Variants in PCDHA4 observed in about 807,000 individuals in gnomAD.
The protein encoded by PCDHA4 is protocadherin alpha-4.
PCDHA4 carries 49 observed loss-of-function variants against 61.4 expected under a neutral mutation model. The observed-to-expected ratio is 0.80, with a 90% confidence interval of 0.63 to 1.01. The LOEUF is 1.01. Among genes scored for constraint, PCDHA4 ranks in the 50% least tolerant of loss-of-function variants. The pLI is 0.00. For missense variants in PCDHA4, 1,254 were observed against 1,235.8 expected, an observed-to-expected ratio of 1.01 and a Z score of -0.22; for synonymous variants, 590 against 550.3, an observed-to-expected ratio of 1.07 and a Z score of -1.01.
At chr5:140,988,556 C>G (rs574182013) in intron 3 of PCDHA4, among the ~76,000 whole-genome samples, 2 of 152,158 alleles carry the variant, frequency 1.3e-5, no homozygotes, top group Non-Finnish European at 2.9e-5. Flanking sequence ...TCTTCATCTT[C>G]TTCTTGGGAA....
intron 1 of PCDHA4, chr5:140,857,362 C>A: frequency 1.3e-6 from 2 of 1,598,452 alleles, no homozygotes. Flanking sequence ...GGGCCACGGC[C>A]AGCGTGTCTG....
chr5:140,875,929 C>T (rs1554168093), intron 1 of PCDHA4: 4 of 1,614,154 alleles, frequency 2.5e-6, no homozygotes, highest in East Asian at 2.2e-5. Context: ...CTCTCATTTT[C>T]CTCTAGAGGG....
chr5:140,928,288 C>G, intron 1 of PCDHA4: 2 of 1,614,156 alleles, frequency 1.2e-6, no homozygotes, highest in Non-Finnish European at 1.7e-6. Flanking sequence ...CTCTCTAGGC[C>G]GAGTGTTTGC....
chr5:140,985,606 C>A (rs1008038466), intron 3 of PCDHA4, among the ~76,000 whole-genome samples: 1 of 152,300 alleles, frequency 6.6e-6, no homozygotes, highest in South Asian at 2.1e-4. Context: ...AGAGCCCTTT[C>A]CGTGAACCAG....
chr5:140,838,048 T>C (rs2150282341), intron 1 of PCDHA4, among the ~76,000 whole-genome samples: 3 of 151,048 alleles, frequency 2.0e-5, no homozygotes, highest in African/African-American at 7.3e-5. Flanking sequence ...CTGCACTTTT[T>C]GGTTTTCCAC....
intron 1 of PCDHA4, chr5:140,841,663 G>A: frequency 2.5e-6 from 4 of 1,614,102 alleles, no homozygotes; most frequent in Non-Finnish European, 3.4e-6. Flanking sequence ...ACAGGCCGCT[G>A]CAGGTTTTCC....
At chr5:140,926,340 C>G (rs2083154977) in intron 1 of PCDHA4, 1 of 152,400 alleles carries the variant, frequency 6.6e-6, no homozygotes, top group Non-Finnish European at 1.5e-5. Flanking sequence ...GCGCCGGGAC[C>G]CGACGCGCGG....
intron 1 of PCDHA4, 53 bp from the exon 2 acceptor site, chr5:140,978,895 TG>T: frequency 6.2e-7 from 1 of 1,612,992 alleles, no homozygotes; most frequent in Non-Finnish European, 8.5e-7. Context: ...GCAGCATTCC[TG>T]GGAGAACATT....
chr5:140,919,821 T>C (rs944662452), intron 1 of PCDHA4, among the ~76,000 whole-genome samples: 1 of 152,230 alleles, frequency 6.6e-6, no homozygotes, highest in Non-Finnish European at 1.5e-5. Flanking sequence ...CAAAAATATA[T>C]GTCCACATAG....
chr5:140,841,016 A>G (rs1375684140), intron 1 of PCDHA4, among the ~76,000 whole-genome samples: 1 of 152,070 alleles, frequency 6.6e-6, no homozygotes, highest in African/African-American at 2.4e-5. Context: ...AGACAGTATG[A>G]ATGCCTCTGC....
chr5:140,980,275 C>G (rs1288435032), intron 2 of PCDHA4, among the ~76,000 whole-genome samples: 1 of 152,196 alleles, frequency 6.6e-6, no homozygotes. Flanking sequence ...AGTACCAACT[C>G]TTGAAAAGTA....
intron 1 of PCDHA4, chr5:140,857,340 C>A (rs782392001): frequency 9.4e-6 from 15 of 1,598,236 alleles, no homozygotes; most frequent in Non-Finnish European, 1.2e-5. Context: ...GACGGGGGCT[C>A]GCCTCCGCTG....
chr5:140,857,139 T>A (rs1554149566), intron 1 of PCDHA4: 1 of 1,598,268 alleles, frequency 6.3e-7, no homozygotes, highest in South Asian at 1.1e-5. Context: ...GATGCTCAAG[T>A]GGGCACCGTC....
chr5:140,885,873 T>A (rs1365119411), intron 1 of PCDHA4, among the ~76,000 whole-genome samples: 3 of 152,154 alleles, frequency 2.0e-5, no homozygotes, highest in Admixed American at 6.5e-5. Flanking sequence ...TGAAAAAAAA[T>A]TTTTAGTTTC....
chr5:140,861,442 G>A (rs251368), intron 1 of PCDHA4: 2 of 490,042 alleles, frequency 4.1e-6, no homozygotes, highest in African/African-American at 3.9e-5. Flanking sequence ...TCCAAAAGCC[G>A]CAGAAACCTT....
At chr5:140,888,147 A>G (rs1182114974) in intron 1 of PCDHA4, among the ~76,000 whole-genome samples, 1 of 152,064 alleles carries the variant, frequency 6.6e-6, no homozygotes, top group African/African-American at 2.4e-5. Flanking sequence ...GCTGTTTTGC[A>G]TGACTGGTAA....
At chr5:140,893,050 A>G (rs967159859) in intron 1 of PCDHA4, among the ~76,000 whole-genome samples, 1 of 152,248 alleles carries the variant, frequency 6.6e-6, no homozygotes, top group Non-Finnish European at 1.5e-5. Context: ...CTCCAGGCTC[A>G]GCCATACTGC....
intron 1 of PCDHA4, among the ~76,000 whole-genome samples, chr5:140,896,536 C>CT (rs34213614): frequency 0.32 from 46,252 of 145,528 alleles, 7,425 homozygotes; most frequent in East Asian, 0.53. Flanking sequence ...AGCTATTTTT[C>CT]TTTTTTTTTT....
At chr5:140,967,697 G>A (rs1554229803) in intron 1 of PCDHA4, 1 of 1,614,196 alleles carries the variant, frequency 6.2e-7, no homozygotes, top group Admixed American at 1.7e-5. Flanking sequence ...CTTCAGCATA[G>A]ATGCCAGTAC....
Sources: gnomAD v4.1 joint callset for allele counts (sites outside exome capture counted in the v4.1 genomes callset) on GRCh38, gnomAD v4.1.1 for gene constraint, MANE v1.5 for transcripts, NCBI Gene and HGNC (gene_info 2026-07-23, HGNC 2026-07-21) for gene names.